MAD1L1: variants seen among roughly 807,000 people sequenced by gnomAD.
The protein encoded by MAD1L1 is mitotic spindle assembly checkpoint protein MAD1.
Under a neutral mutation model 96.9 loss-of-function variants are expected in MAD1L1, and 95 were observed. The observed-to-expected ratio is 0.98, with a 90% CI of 0.83 to 1.16. The LOEUF (loss-of-function observed/expected upper bound fraction) is 1.16, where lower values mean the gene tolerates loss of function less well. Among genes scored for constraint, MAD1L1 ranks in the 50% most tolerant of loss-of-function variants. The probability of loss-of-function intolerance (pLI) is 0.00; values close to 1 mark genes in which losing one functional copy is unlikely to be tolerated. For missense variants in MAD1L1, 1,007 were observed against 954.4 expected, an observed-to-expected ratio of 1.06 and a Z score of -0.73; for synonymous variants, 473 against 396.6, an observed-to-expected ratio of 1.19 and a Z score of -2.29.
chr7:2,166,325 G>C (rs1002270859), intron 10 of MAD1L1, among the ~76,000 whole-genome samples: 1 of 152,148 alleles, frequency 6.6e-6, no homozygotes, highest in African/African-American at 2.4e-5. Flanking sequence ...AGAAATGCCG[G>C]CTTTACAGTT....
chr7:2,160,672 G>A (rs989227618), intron 10 of MAD1L1, among the ~76,000 whole-genome samples: 18 of 151,682 alleles, frequency 1.2e-4, no homozygotes, highest in Non-Finnish European at 2.1e-4. Context: ...TCGCTCTGTC[G>A]CCCAGGCTGG....
chr7:2,219,200 C>A (rs934662148), intron 6 of MAD1L1, 132 bp downstream of exon 6: 1 of 880,428 alleles, frequency 1.1e-6, no homozygotes. Context: ...AGCATCTGCC[C>A]CTCTTGAGTG....
intron 11 of MAD1L1, among the ~76,000 whole-genome samples, chr7:2,080,203 C>T (rs1487230310): frequency 6.6e-6 from 1 of 152,262 alleles, no homozygotes; most frequent in South Asian, 2.1e-4. Context: ...AACAAAGCCA[C>T]TCCCATTCAT....
chr7:1,854,472 A>C (rs1784143616), intron 18 of MAD1L1: 3 of 425,932 alleles, frequency 7.0e-6, no homozygotes, highest in African/African-American at 2.0e-5. Context: ...AGGCACAGGC[A>C]GACTTGGTGT....
At chr7:1,880,473 C>T (rs1785622319) in intron 18 of MAD1L1, among the ~76,000 whole-genome samples, 1 of 152,222 alleles carries the variant, frequency 6.6e-6, no homozygotes, top group African/African-American at 2.4e-5. Flanking sequence ...ACAGTGATGA[C>T]AAAGGGCCAT....
intron 12 of MAD1L1, among the ~76,000 whole-genome samples, chr7:2,044,553 G>A (rs186393563): frequency 9.8e-5 from 15 of 152,294 alleles, no homozygotes; most frequent in Non-Finnish European, 1.9e-4. Flanking sequence ...TTTCCCAAAT[G>A]GTTCAGCAGG....
chr7:2,202,358 C>T (rs533438385), intron 10 of MAD1L1, among the ~76,000 whole-genome samples: 1 of 152,336 alleles, frequency 6.6e-6, no homozygotes, highest in Admixed American at 6.5e-5. Flanking sequence ...GAACCTGGCT[C>T]ACGCCCCACC....
Position 1,929,033 on chromosome 7 carries a change from G to A in MAD1L1, c.1807+7654C>T, listed in dbSNP as rs866399464. ...CAACAGAAAGGCAGTCACTGCTCCC[G>A]TCCTCAGCCCAGGCAGGGACACCAA... On this transcript the variant is annotated intron_variant, in intron 17 of 18. Coordinates refer to ENST00000265854, the MANE Select transcript of MAD1L1 (RefSeq NM_001013836.2). 9.9e-5 allele frequency among the ~76,000 whole-genome samples: 15 copies of A among 152,182 alleles called. 1 individual carries two copies. The highest frequency in any genetic ancestry group is 1.9e-4 in the East Asian group (1 of 5,194).
intron 18 of MAD1L1, among the ~76,000 whole-genome samples, chr7:1,844,963 CAGA>C (rs1416055852): frequency 6.6e-6 from 1 of 152,218 alleles, no homozygotes; most frequent in African/African-American, 2.4e-5. Context: ...GTCCCGCCAT[CAGA>C]AGGAGGACAG....
At chr7:2,182,940 C>T (rs62442470) in intron 10 of MAD1L1, among the ~76,000 whole-genome samples, 21,079 of 152,088 alleles carry the variant, frequency 0.14, 1,709 homozygotes, top group Middle Eastern at 0.26. Context: ...AACAGACAAG[C>T]GGCAGGGCAT....
At chr7:1,996,401 G>C (rs1781565224) in intron 14 of MAD1L1, among the ~76,000 whole-genome samples, 1 of 152,280 alleles carries the variant, frequency 6.6e-6, no homozygotes, top group Admixed American at 6.5e-5. Flanking sequence ...CTCCGCCGGT[G>C]TCCTCAGCCT....
chr7:1,857,192 G>A (rs866494423), intron 18 of MAD1L1, among the ~76,000 whole-genome samples: 19 of 152,174 alleles, frequency 1.2e-4, no homozygotes, highest in Admixed American at 6.5e-4. Flanking sequence ...AGCGCGGACC[G>A]TACTGGCACC....
rs1786830927 is a variant in MAD1L1 at position 2,102,288 on chromosome 7, GCCA to G, written c.1074-32953_1074-32951del. Among the ~76,000 whole-genome samples the G allele has an allele frequency of 2.2e-5, 3 of 137,200 alleles. 1 individual carries two copies. The highest frequency in any genetic ancestry group is 1.4e-4 in the Admixed American group (2 of 14,162). 90.0% of individuals were successfully genotyped at this position (137,200 alleles called of 152,430 possible). On this transcript the variant is annotated intron_variant, in intron 11 of 18. Transcript: ENST00000265854. ...CACCATCACTATCACCACCACCACC[GCCA>G]CTGTCACCATCACCACCGTCACCAT...
intron 11 of MAD1L1, among the ~76,000 whole-genome samples, chr7:2,099,292 C>T (rs1017775945): frequency 1.4e-4 from 21 of 152,250 alleles, no homozygotes; most frequent in Admixed American, 9.2e-4. Context: ...GCGCCCGGCC[C>T]ACTGTGGAGG....
At chr7:2,094,736 G>A (rs1329883481) in intron 11 of MAD1L1, among the ~76,000 whole-genome samples, 1 of 152,186 alleles carries the variant, frequency 6.6e-6, no homozygotes, top group South Asian at 2.1e-4. Context: ...ACAGCTCGCA[G>A]GTGCAAAGCA....
intron 18 of MAD1L1, among the ~76,000 whole-genome samples, chr7:1,867,903 A>G (rs1173194198): frequency 1.3e-5 from 2 of 152,250 alleles, no homozygotes; most frequent in Non-Finnish European, 1.5e-5. Flanking sequence ...GATGAGAGCC[A>G]CATAATTAGA....
intron 15 of MAD1L1, among the ~76,000 whole-genome samples, chr7:1,978,032 A>G (rs1466390339): frequency 1.3e-5 from 2 of 152,216 alleles, no homozygotes; most frequent in African/African-American, 2.4e-5. Flanking sequence ...CAGCCACACC[A>G]GCCCAGACCT....
At chr7:2,046,232 C>T (rs1382443641) in intron 12 of MAD1L1, among the ~76,000 whole-genome samples, 3 of 152,204 alleles carry the variant, frequency 2.0e-5, no homozygotes, top group South Asian at 2.1e-4. Context: ...CCTGCACTCA[C>T]AGGCACCCTA....
At chr7:2,153,223 G>A (rs899099740) in intron 10 of MAD1L1, among the ~76,000 whole-genome samples, 9 of 152,094 alleles carry the variant, frequency 5.9e-5, no homozygotes, top group South Asian at 2.1e-4. Context: ...GCCCATCCAA[G>A]AAAACAATCA....
Sources: gnomAD v4.1 joint callset for allele counts (sites outside exome capture counted in the v4.1 genomes callset) on GRCh38, gnomAD v4.1.1 for gene constraint, MANE v1.5 for transcripts, NCBI Gene and HGNC (gene_info 2026-07-23, HGNC 2026-07-21) for gene names.